COL24A1: variants seen among roughly 807,000 people sequenced by gnomAD.
The protein encoded by COL24A1 is collagen type XXIV alpha 1 chain.
A neutral mutation model predicts 253.9 loss-of-function variants in COL24A1; 224 were observed. The observed-to-expected ratio is 0.88, with a 90% CI of 0.79 to 0.99. COL24A1 has a LOEUF of 0.99. Among genes scored for constraint, COL24A1 ranks in the 50% least tolerant of loss-of-function variants. The probability of loss-of-function intolerance (pLI) is 0.00; values close to 1 mark genes in which losing one functional copy is unlikely to be tolerated. For missense variants in COL24A1, 2,131 were observed against 2,068.5 expected, an observed-to-expected ratio of 1.03 and a Z score of -0.59; for synonymous variants, 685 against 673.7, an observed-to-expected ratio of 1.02 and a Z score of -0.26.
intron 53 of COL24A1, among the ~76,000 whole-genome samples, chr1:85,770,554 T>G (rs1439575140): frequency 6.6e-6 from 1 of 152,130 alleles, no homozygotes; most frequent in South Asian, 2.1e-4. Context: ...TCATGTGAGA[T>G]GAATATGTTA....
chr1:85,805,793 AGGCCG>A (rs1671894197), intron 47 of COL24A1, among the ~76,000 whole-genome samples: 1 of 152,186 alleles, frequency 6.6e-6, no homozygotes, highest in Non-Finnish European at 1.5e-5. Context: ...TGATAGAAAT[AGGCCG>A]GGCGCGGTGG....
intron 58 of COL24A1, chr1:85,736,203 G>A (rs1664032956): frequency 9.5e-6 from 4 of 422,360 alleles, no homozygotes; most frequent in Non-Finnish European, 1.9e-5. Flanking sequence ...TTATTCCCTA[G>A]GTTCATAGAA....
Position 85,759,150 on chromosome 1 carries a change from T to C in COL24A1, c.4437+2246A>G, listed in dbSNP as rs1036485814. On this transcript the variant is annotated intron_variant, in intron 55 of 59. Coordinates refer to ENST00000370571, the MANE Select transcript of COL24A1 (RefSeq NM_152890.7). Reference sequence around the variant, plus strand: ...CCTCTAGTTCTATGAGTCTAATTTTTTATAGACATTGTTTCTCTCCAAGTG... The same window carrying C: ...CCTCTAGTTCTATGAGTCTAATTTTCTATAGACATTGTTTCTCTCCAAGTG... 3.3e-5 allele frequency among the ~76,000 whole-genome samples: 5 copies of C among 152,174 alleles called. No individual in the cohort carries two copies. In the East Asian group the frequency reaches 9.6e-4, roughly 29 times the overall value.
rs746438422 is a variant in COL24A1 at position 85,781,293 on chromosome 1, A to G, written c.4285-20T>C. 11 of 1,580,118 alleles carry G rather than the reference A, an allele frequency of 7.0e-6. No homozygotes were observed. The highest frequency in any genetic ancestry group is 8.6e-6 in the Non-Finnish European group (10 of 1,161,628). ...GTTTCCCTGTTGAGGTAAAAGAAAA[A>G]CAGTCTCACTGTTAGTATAATTAAA... On this transcript the variant is annotated intron_variant, in intron 51 of 59. Transcript: ENST00000370571.
chr1:85,862,742 TAA>T (rs1679297879), intron 37 of COL24A1, among the ~76,000 whole-genome samples: 1 of 152,152 alleles, frequency 6.6e-6, no homozygotes. Context: ...ATTCAGATGA[TAA>T]AGAGTTAGAT....
At chr1:85,827,580 A>G (rs1486780039) in intron 43 of COL24A1, among the ~76,000 whole-genome samples, 5 of 151,920 alleles carry the variant, frequency 3.3e-5, no homozygotes, top group Non-Finnish European at 5.9e-5. Flanking sequence ...TTGGTAAGCT[A>G]TTGATTATTG....
At chr1:86,025,683 TAA>T (rs1697966522) in intron 14 of COL24A1, among the ~76,000 whole-genome samples, 2 of 152,310 alleles carry the variant, frequency 1.3e-5, no homozygotes, top group South Asian at 4.1e-4. Flanking sequence ...CTATGCAATA[TAA>T]AGGGTCTTCA....
chr1:86,119,423 A>G (rs1386196444), intron 3 of COL24A1, among the ~76,000 whole-genome samples: 1 of 152,186 alleles, frequency 6.6e-6, no homozygotes, highest in Non-Finnish European at 1.5e-5. Flanking sequence ...CCAACTTCAA[A>G]GAGACAAGAG....
chr1:86,137,073 T>C (rs1650368373), intron 2 of COL24A1, among the ~76,000 whole-genome samples: 1 of 152,104 alleles, frequency 6.6e-6, no homozygotes, highest in Admixed American at 6.6e-5. Flanking sequence ...AATTTATACC[T>C]GGACTTGGAT....
At chr1:85,976,489 G>A (rs1692695031) in intron 20 of COL24A1, among the ~76,000 whole-genome samples, 1 of 152,116 alleles carries the variant, frequency 6.6e-6, no homozygotes, top group Non-Finnish European at 1.5e-5. Context: ...CCCTGCCCAA[G>A]GAGAGAGTCT....
At chr1:86,031,250 G>C (rs1156256706) in intron 14 of COL24A1, among the ~76,000 whole-genome samples, 1 of 151,928 alleles carries the variant, frequency 6.6e-6, no homozygotes, top group East Asian at 1.9e-4. Flanking sequence ...TATATGAGAA[G>C]GGTAGGAGTG....
chr1:85,771,525 C>A (rs781721708), intron 53 of COL24A1, among the ~76,000 whole-genome samples: 40 of 151,928 alleles, frequency 2.6e-4, no homozygotes, highest in Non-Finnish European at 4.7e-4. Flanking sequence ...GGTTGGTTCC[C>A]AGTATTTGCT....
At chr1:86,095,502 A>G (rs934634915) in intron 5 of COL24A1, among the ~76,000 whole-genome samples, 3 of 152,066 alleles carry the variant, frequency 2.0e-5, no homozygotes, top group Non-Finnish European at 4.4e-5. Context: ...AGCGAAGACT[A>G]TTGAATAATG....
chr1:85,737,369 CAT>C (rs746147910), intron 58 of COL24A1, 25 bp downstream of exon 58: 1,151 of 1,431,412 alleles, frequency 8.0e-4, no homozygotes, highest in Non-Finnish European at 1.0e-3. Context: ...AATATAACGA[CAT>C]GTGTTCTAAA....
At chr1:85,763,630 T>C (rs531153262) in intron 53 of COL24A1, among the ~76,000 whole-genome samples, 5 of 151,552 alleles carry the variant, frequency 3.3e-5, no homozygotes, top group Admixed American at 1.3e-4. Context: ...TAGCTGGGAC[T>C]ACAGGCGTGC....
At chr1:85,799,147 T>C (rs1245350852) in intron 47 of COL24A1, among the ~76,000 whole-genome samples, 3 of 148,022 alleles carry the variant, frequency 2.0e-5, no homozygotes, top group Non-Finnish European at 4.5e-5. Context: ...AGTCACATGA[T>C]CTTGAAAAAA....
chr1:86,038,827 G>A (rs1699231139), intron 12 of COL24A1, among the ~76,000 whole-genome samples: 1 of 152,058 alleles, frequency 6.6e-6, no homozygotes, highest in African/African-American at 2.4e-5. Flanking sequence ...TGGCCAGCAA[G>A]TGAGCCTCCT....
intron 47 of COL24A1, among the ~76,000 whole-genome samples, chr1:85,809,466 G>A (rs1411806173): frequency 6.6e-6 from 1 of 152,138 alleles, no homozygotes; most frequent in African/African-American, 2.4e-5. Flanking sequence ...GAAGTAAGAT[G>A]GAGTCAATTA....
At chr1:86,152,254 C>A (rs1652877585) in intron 1 of COL24A1, among the ~76,000 whole-genome samples, 1 of 152,002 alleles carries the variant, frequency 6.6e-6, no homozygotes, top group South Asian at 2.1e-4. Flanking sequence ...GGTTGAGCAC[C>A]CCCAATCTAA....
Sources: allele counts gnomAD v4.1 joint callset (sites outside exome capture counted in the v4.1 genomes callset), GRCh38; gene constraint gnomAD v4.1.1; transcripts MANE v1.5; gene names NCBI Gene and HGNC (gene_info 2026-07-23, HGNC 2026-07-21).